Variants in ADAMTS3 observed in about 807,000 individuals in gnomAD.
ADAMTS3 encodes A disintegrin and metalloproteinase with thrombospondin motifs 3.
A neutral mutation model predicts 129.0 loss-of-function variants in ADAMTS3; 73 were observed. That is an observed-to-expected ratio of 0.57 (90% CI 0.47 to 0.69). The LOEUF (loss-of-function observed/expected upper bound fraction) is 0.69. ADAMTS3 is among the 30% of genes least tolerant of loss of function. The probability of loss-of-function intolerance (pLI) is 0.00; values close to 1 mark genes in which losing one functional copy is unlikely to be tolerated. For synonymous variants in ADAMTS3, 477 were observed against 510.8 expected (o/e 0.93, Z 0.89); for missense variants, 1,457 against 1,514.5 (o/e 0.96, Z 0.63).
intron 4 of ADAMTS3, among the ~76,000 whole-genome samples, chr4:72,351,470 T>C (rs984326120): frequency 6.6e-6 from 1 of 151,804 alleles, no homozygotes; most frequent in African/African-American, 2.4e-5. Flanking sequence ...TTATGACACA[T>C]TAAATCTCCT....
intron 2 of ADAMTS3, among the ~76,000 whole-genome samples, chr4:72,550,917 C>T (rs1175580141): frequency 6.6e-6 from 1 of 152,166 alleles, no homozygotes; most frequent in East Asian, 1.9e-4. Flanking sequence ...ACTTGGTACT[C>T]CCAATACCAT....
At chr4:72,319,761 A>G in intron 8 of ADAMTS3, 97 bp downstream of exon 8, 1 of 1,020,640 alleles carries the variant, frequency 9.8e-7, no homozygotes, top group Admixed American at 2.1e-5. Context: ...CAAGAATTGT[A>G]TGCTGGCATG....
chr4:72,477,543 T>G (rs13141456), intron 3 of ADAMTS3, among the ~76,000 whole-genome samples: 53,934 of 150,980 alleles, frequency 0.36, 10,503 homozygotes, highest in South Asian at 0.58. Flanking sequence ...CTCAAAGCAG[T>G]GTGTAGAGGG....
chr4:72,392,921 T>C (rs1247900451), intron 4 of ADAMTS3, among the ~76,000 whole-genome samples: 1 of 151,576 alleles, frequency 6.6e-6, no homozygotes, highest in Non-Finnish European at 1.5e-5. Flanking sequence ...TCGGATTTTT[T>C]TTTTTTTTCT....
intron 3 of ADAMTS3, among the ~76,000 whole-genome samples, chr4:72,546,828 T>A (rs896940624): frequency 2.6e-5 from 4 of 151,936 alleles, no homozygotes; most frequent in African/African-American, 9.7e-5. Flanking sequence ...GGGATTCTCA[T>A]CCAGAAGTGT....
At chr4:72,434,429 T>C (rs1722771235) in intron 3 of ADAMTS3, among the ~76,000 whole-genome samples, 1 of 151,800 alleles carries the variant, frequency 6.6e-6, no homozygotes. Flanking sequence ...TTTACTCTTA[T>C]AGAGTAGAAT....
At chr4:72,477,307 C>A (rs1046902822) in intron 3 of ADAMTS3, among the ~76,000 whole-genome samples, 3 of 152,110 alleles carry the variant, frequency 2.0e-5, no homozygotes, top group Non-Finnish European at 4.4e-5. Context: ...CTCTCATCAG[C>A]AAATGTAAAA....
chr4:72,530,324 T>C (rs1392507542), intron 3 of ADAMTS3, among the ~76,000 whole-genome samples: 4 of 84,342 alleles, frequency 4.7e-5, no homozygotes, highest in African/African-American at 1.9e-4. Flanking sequence ...TAAATTCATA[T>C]ATGTTAATAT....
intron 3 of ADAMTS3, among the ~76,000 whole-genome samples, chr4:72,470,374 TATACACACACAC>T (rs1238734243): frequency 2.8e-4 from 41 of 144,104 alleles, no homozygotes; most frequent in South Asian, 1.5e-3. Flanking sequence ...TATATATATA[TATACACACACAC>T]ACACACACAC....
intron 3 of ADAMTS3, among the ~76,000 whole-genome samples, chr4:72,534,783 G>A (rs1277506789): frequency 6.6e-6 from 1 of 152,128 alleles, no homozygotes; most frequent in Non-Finnish European, 1.5e-5. Context: ...TCTCATAGAT[G>A]AACATGTTCC....
At chr4:72,432,628 T>C (rs1722726139) in intron 3 of ADAMTS3, among the ~76,000 whole-genome samples, 1 of 152,018 alleles carries the variant, frequency 6.6e-6, no homozygotes, top group African/African-American at 2.4e-5. Flanking sequence ...ATAAAGATTA[T>C]GATACTTAAG....
chr4:72,283,742 C>A, intron 21 of ADAMTS3, 38 bp from the exon 22 acceptor site: 2 of 1,467,022 alleles, frequency 1.4e-6, no homozygotes, highest in Non-Finnish European at 9.0e-7. Context: ...ACACTAGCAT[C>A]TAAACATAAA....
intron 3 of ADAMTS3, among the ~76,000 whole-genome samples, chr4:72,452,634 T>C (rs531552489): frequency 3.9e-5 from 6 of 151,910 alleles, no homozygotes; most frequent in African/African-American, 7.2e-5. Flanking sequence ...AATTCAGTAC[T>C]GGACTGGGTC....
intron 4 of ADAMTS3, among the ~76,000 whole-genome samples, chr4:72,364,991 A>C (rs1720833790): frequency 6.6e-6 from 1 of 152,232 alleles, no homozygotes; most frequent in Admixed American, 6.5e-5. Context: ...TTAATTCAAT[A>C]AAATTATTGA....
intron 3 of ADAMTS3, among the ~76,000 whole-genome samples, chr4:72,528,417 T>C (rs1362012110): frequency 6.6e-6 from 1 of 151,926 alleles, no homozygotes; most frequent in Non-Finnish European, 1.5e-5. Context: ...AATCAATATG[T>C]TGATTACTCT....
intron 5 of ADAMTS3, among the ~76,000 whole-genome samples, chr4:72,331,517 T>C (rs1054231016): frequency 1.3e-5 from 2 of 152,162 alleles, no homozygotes; most frequent in Non-Finnish European, 2.9e-5. Flanking sequence ...AAAAACCCTT[T>C]ATGACTCTTG....
chr4:72,375,304 A>G (rs998361466), intron 4 of ADAMTS3, among the ~76,000 whole-genome samples: 1 of 152,148 alleles, frequency 6.6e-6, no homozygotes, highest in East Asian at 1.9e-4. Context: ...CCGCCAAAGC[A>G]TTTCTGGGAG....
intron 5 of ADAMTS3, among the ~76,000 whole-genome samples, chr4:72,339,047 A>T (rs1720060518): frequency 6.6e-6 from 1 of 152,210 alleles, no homozygotes; most frequent in African/African-American, 2.4e-5. Context: ...CAAAAGCTGT[A>T]ATAACAAGAA....
intron 9 of ADAMTS3, among the ~76,000 whole-genome samples, chr4:72,319,084 T>A (rs1310112720): frequency 6.6e-6 from 1 of 152,164 alleles, no homozygotes; most frequent in Non-Finnish European, 1.5e-5. Flanking sequence ...TAATCAAAGA[T>A]TCGATAACAA....
Sources: gnomAD v4.1 joint callset for allele counts (sites outside exome capture counted in the v4.1 genomes callset) on GRCh38, gnomAD v4.1.1 for gene constraint, MANE v1.5 for transcripts, NCBI Gene and HGNC (gene_info 2026-07-23, HGNC 2026-07-21) for gene names.